ATP2B2: variants seen among roughly 807,000 people sequenced by gnomAD.
ATP2B2 encodes the protein plasma membrane calcium-transporting ATPase 2.
ATP2B2 carries 15 observed loss-of-function variants against 120.0 expected under a neutral mutation model. The observed-to-expected ratio is 0.12, with a 90% CI of 0.08 to 0.19. ATP2B2 has a LOEUF of 0.19. Ranked by LOEUF, ATP2B2 falls within the 10% of genes least tolerant of loss-of-function variation. The pLI, the probability that ATP2B2 is intolerant of heterozygous loss-of-function variation, is 1.00. For missense variants in ATP2B2, 1,045 were observed against 1,719.8 expected, an observed-to-expected ratio of 0.61 and a Z score of 6.94; for synonymous variants, 694 against 700.3, an observed-to-expected ratio of 0.99 and a Z score of 0.14.
chr3:10,613,630 T>C (rs940145970), intron 2 of ATP2B2, among the ~76,000 whole-genome samples: 2 of 152,152 alleles, frequency 1.3e-5, no homozygotes, highest in South Asian at 2.1e-4. Context: ...TCAGCTCAAC[T>C]GTCACAGCTG....
chr3:10,618,894 G>A (rs1390054341), intron 2 of ATP2B2, among the ~76,000 whole-genome samples: 1 of 152,188 alleles, frequency 6.6e-6, no homozygotes, highest in African/African-American at 2.4e-5. Flanking sequence ...AAGCTTTCAA[G>A]GTTTCTTCCC....
At chr3:10,444,437 C>T (rs1280498410) in intron 2 of ATP2B2, among the ~76,000 whole-genome samples, 1 of 152,226 alleles carries the variant, frequency 6.6e-6, no homozygotes, top group African/African-American at 2.4e-5. Context: ...TATTCACGTG[C>T]AGCACAAAGT....
intron 7 of ATP2B2, 89 bp downstream of exon 7, chr3:10,386,391 G>A: frequency 7.0e-7 from 1 of 1,431,662 alleles, no homozygotes; most frequent in Non-Finnish European, 9.9e-7. Context: ...TCCTCCAGCT[G>A]TGTGCTGGTG....
intron 1 of ATP2B2, among the ~76,000 whole-genome samples, chr3:10,457,401 C>T (rs2064306913): frequency 6.6e-6 from 1 of 152,034 alleles, no homozygotes; most frequent in African/African-American, 2.4e-5. Flanking sequence ...AAGAAGTGTG[C>T]AAATGCTGGT....
At chr3:10,521,128 C>G (rs986514461) in intron 3 of ATP2B2, among the ~76,000 whole-genome samples, 1 of 152,216 alleles carries the variant, frequency 6.6e-6, no homozygotes, top group African/African-American at 2.4e-5. Context: ...TTCAGACTTC[C>G]GGGGCACACA....
At position 10,655,121 on chromosome 3, in the gene ATP2B2, G is replaced by A. The variant is rs534207120; in HGVS notation, c.-459-35160C>T. Among the ~76,000 whole-genome samples the A allele has an allele frequency of 1.1e-3, 170 of 152,284 alleles. 1 individual carries two copies. The highest frequency in any genetic ancestry group is 3.9e-3 in the African/African-American group (162 of 41,560). ...GGCAAAACATGAATAACCAGCTTGC[G>A]CAGAGGTCAAGACATAATATGAAAT... On this transcript the variant is annotated intron_variant, in intron 1 of 21. Coordinates refer to the ATP2B2 transcript ENST00000646379.
chr3:10,596,081 G>A (rs764795032), intron 2 of ATP2B2, among the ~76,000 whole-genome samples: 3 of 152,100 alleles, frequency 2.0e-5, no homozygotes, highest in Non-Finnish European at 4.4e-5. Flanking sequence ...CTGCAGAGAG[G>A]CCCTCCCTGA....
chr3:10,445,906 A>G (rs1246663107), intron 2 of ATP2B2, among the ~76,000 whole-genome samples: 1 of 152,188 alleles, frequency 6.6e-6, no homozygotes, highest in Non-Finnish European at 1.5e-5. Flanking sequence ...CTAAATCAGA[A>G]GATGGCCAAG....
intron 1 of ATP2B2, among the ~76,000 whole-genome samples, chr3:10,662,772 G>T (rs1258509695): frequency 6.6e-6 from 1 of 151,916 alleles, no homozygotes; most frequent in Admixed American, 6.6e-5. Flanking sequence ...AAATCATGCT[G>T]CTATAAAGAC....
At chr3:10,542,721 C>T (rs537818996) in intron 2 of ATP2B2, among the ~76,000 whole-genome samples, 31 of 152,302 alleles carry the variant, frequency 2.0e-4, no homozygotes, top group Admixed American at 4.6e-4. Flanking sequence ...AAAATTTTTA[C>T]GCCCATAGGT....
intron 2 of ATP2B2, among the ~76,000 whole-genome samples, chr3:10,599,383 C>T (rs982582472): frequency 2.0e-5 from 3 of 152,200 alleles, no homozygotes; most frequent in African/African-American, 7.2e-5. Flanking sequence ...TGCTCATGCT[C>T]CCGGACCCTC....
intron 2 of ATP2B2, among the ~76,000 whole-genome samples, chr3:10,616,285 T>A (rs1202833522): frequency 6.6e-6 from 1 of 152,256 alleles, no homozygotes; most frequent in South Asian, 2.1e-4. Context: ...TTATTCAATC[T>A]GACTGGTGTC....
At chr3:10,404,910 G>C (rs779174320) in intron 3 of ATP2B2, among the ~76,000 whole-genome samples, 10 of 152,318 alleles carry the variant, frequency 6.6e-5, no homozygotes, top group Non-Finnish European at 1.5e-4. Flanking sequence ...CCTGCCCCTT[G>C]CTATGTGCTC....
chr3:10,420,728 G>A (rs1559316265), intron 2 of ATP2B2, among the ~76,000 whole-genome samples: 1 of 152,200 alleles, frequency 6.6e-6, no homozygotes, highest in African/African-American at 2.4e-5. Flanking sequence ...AGTTAAACGA[G>A]GTCGCATCTG....
chr3:10,627,504 C>T (rs1417051652), intron 1 of ATP2B2, among the ~76,000 whole-genome samples: 1 of 152,098 alleles, frequency 6.6e-6, no homozygotes, highest in Non-Finnish European at 1.5e-5. Context: ...AGATCCTGCT[C>T]CTGCCACTTC....
At chr3:10,499,811 C>T (rs558943115) in intron 1 of ATP2B2, among the ~76,000 whole-genome samples, 1 of 152,114 alleles carries the variant, frequency 6.6e-6, no homozygotes, top group African/African-American at 2.4e-5. Context: ...GCTGTGGGCC[C>T]TAAGGGGTCT....
At chr3:10,572,718 C>A (rs1248817924) in intron 2 of ATP2B2, among the ~76,000 whole-genome samples, 2 of 152,172 alleles carry the variant, frequency 1.3e-5, no homozygotes, top group Non-Finnish European at 2.9e-5. Flanking sequence ...GGGGCAAACG[C>A]TCATTCATAT....
At chr3:10,554,516 A>G (rs1362964497) in intron 2 of ATP2B2, among the ~76,000 whole-genome samples, 1 of 152,188 alleles carries the variant, frequency 6.6e-6, no homozygotes, top group Non-Finnish European at 1.5e-5. Flanking sequence ...GTGTCTGTGA[A>G]TCAAGGAAAT....
In ATP2B2 at chr3:10,483,105, G is replaced by A. The variant is rs186339061; in HGVS notation, c.-320+22360C>T. Among the ~76,000 whole-genome samples, 259 of 152,348 alleles carry A rather than the reference G, an allele frequency of 1.7e-3. 1 individual carries two copies. Among genetic ancestry groups the A allele is most frequent in the African/African-American group, 5.8e-3 (240 of 41,574 alleles). The stretch of plus-strand genomic sequence containing the variant: ...ATTCAGGTCCATCTCCCTCACTCAC[G>A]TGTCATCTATCCTACCTTCTCTCCC... On this transcript the variant is annotated intron_variant, in intron 1 of 22. Transcript: ENST00000360273.
Sources: gnomAD v4.1 joint callset for allele counts (sites outside exome capture counted in the v4.1 genomes callset) on GRCh38, gnomAD v4.1.1 for gene constraint, MANE v1.5 for transcripts, NCBI Gene and HGNC (gene_info 2026-07-23, HGNC 2026-07-21) for gene names.